NR6A1: variants seen among roughly 807,000 people sequenced by gnomAD.
The protein encoded by NR6A1 is nuclear receptor subfamily 6 group A member 1, also known as retinoic acid receptor-related testis-associated receptor.
A neutral mutation model predicts 59.1 loss-of-function variants in NR6A1; 7 were observed. The observed-to-expected ratio is 0.12, with a 90% CI of 0.07 to 0.22. NR6A1 has a LOEUF of 0.22. NR6A1 is among the 10% of genes least tolerant of loss of function. The pLI, the probability that NR6A1 is intolerant of heterozygous loss-of-function variation, is 1.00. For synonymous variants in NR6A1, 243 were observed against 236.1 expected (o/e 1.03, Z -0.27); for missense variants, 468 against 611.6 (o/e 0.77, Z 2.48).
At chr9:124,727,760 C>T (rs192181542) in intron 2 of NR6A1, among the ~76,000 whole-genome samples, 66 of 152,216 alleles carry the variant, frequency 4.3e-4, no homozygotes, top group African/African-American at 1.5e-3. Context: ...TCTTGGTTCA[C>T]TGCAACCTCT....
intron 1 of NR6A1, among the ~76,000 whole-genome samples, chr9:124,763,279 G>A (rs929691236): frequency 3.9e-5 from 6 of 152,210 alleles, no homozygotes; most frequent in Admixed American, 2.0e-4. Flanking sequence ...CAAGTGCATG[G>A]AAGTGAAGAA....
chr9:124,708,207 C>T (rs905209811), intron 2 of NR6A1, among the ~76,000 whole-genome samples: 4 of 152,126 alleles, frequency 2.6e-5, no homozygotes, highest in African/African-American at 7.2e-5. Flanking sequence ...CAAAGATCAT[C>T]AAATTTAACT....
At chr9:124,770,461 G>A (rs996912551) in intron 1 of NR6A1, among the ~76,000 whole-genome samples, 16 of 151,740 alleles carry the variant, frequency 1.1e-4, no homozygotes, top group African/African-American at 3.9e-4. Flanking sequence ...CTAGAAAGCT[G>A]AGCGGTACAA....
chr9:124,630,210 GTTTT>G (rs71372979), intron 2 of NR6A1, among the ~76,000 whole-genome samples: 9 of 95,354 alleles, frequency 9.4e-5, no homozygotes, highest in Non-Finnish European at 1.4e-4. Flanking sequence ...CTCCAAATCA[GTTTT>G]TTTTTTTTTT....
intron 3 of NR6A1, among the ~76,000 whole-genome samples, chr9:124,546,190 T>C (rs1247289728): frequency 2.0e-5 from 3 of 152,220 alleles, no homozygotes; most frequent in Non-Finnish European, 4.4e-5. Flanking sequence ...CTACTATGTG[T>C]TACATACTGT....
intron 2 of NR6A1, among the ~76,000 whole-genome samples, chr9:124,576,415 G>A (rs1834594793): frequency 6.6e-6 from 1 of 152,164 alleles, no homozygotes; most frequent in Non-Finnish European, 1.5e-5. Context: ...AGTCTCCCGA[G>A]TAGCTGGGAC....
chr9:124,721,333 A>C, intron 2 of NR6A1, among the ~76,000 whole-genome samples: 1 of 152,172 alleles, frequency 6.6e-6, no homozygotes, highest in Non-Finnish European at 1.5e-5. Context: ...GTTCACCCTA[A>C]GCTCTGGATC....
chr9:124,579,562 T>A (rs145598710), intron 2 of NR6A1, among the ~76,000 whole-genome samples: 15 of 150,770 alleles, frequency 9.9e-5, no homozygotes, highest in Non-Finnish European at 1.6e-4. Context: ...AAATAAAAAA[T>A]AATAAAACTA....
chr9:124,555,577 C>T (rs765582219), intron 2 of NR6A1, among the ~76,000 whole-genome samples: 6 of 152,198 alleles, frequency 3.9e-5, no homozygotes, highest in Admixed American at 6.5e-5. Flanking sequence ...GATTGCACCA[C>T]TGCATTCCAG....
intron 2 of NR6A1, among the ~76,000 whole-genome samples, chr9:124,591,214 A>T (rs544594416): frequency 6.6e-6 from 1 of 152,252 alleles, no homozygotes; most frequent in East Asian, 1.9e-4. Flanking sequence ...AATTTCCCTA[A>T]ATTTGCTCCT....
At chr9:124,614,770 T>C (rs896312172) in intron 2 of NR6A1, among the ~76,000 whole-genome samples, 24 of 152,334 alleles carry the variant, frequency 1.6e-4, no homozygotes, top group Admixed American at 1.1e-3. Flanking sequence ...GCTACCACAC[T>C]GAAATTTTCT....
At chr9:124,581,029 AAATGGTGCTGGAAG>A in intron 2 of NR6A1, among the ~76,000 whole-genome samples, 1 of 152,226 alleles carries the variant, frequency 6.6e-6, no homozygotes, top group South Asian at 2.1e-4. Context: ...CAAAAACAAG[AAATGGTGCTGGAAG>A]AACTGGCTAG....
chr9:124,737,685 G>A (rs1271344379), intron 1 of NR6A1, among the ~76,000 whole-genome samples: 1 of 152,120 alleles, frequency 6.6e-6, no homozygotes, highest in Middle Eastern at 3.2e-3. Context: ...GGCAAAAATG[G>A]TGAAACCCCA....
intron 1 of NR6A1, among the ~76,000 whole-genome samples, chr9:124,737,178 A>G (rs1190506299): frequency 6.6e-6 from 1 of 152,084 alleles, no homozygotes; most frequent in East Asian, 1.9e-4. Flanking sequence ...CTATATTCAC[A>G]CTAAAAAAAA....
At chr9:124,755,973 G>A (rs1254810152) in intron 1 of NR6A1, among the ~76,000 whole-genome samples, 1 of 152,110 alleles carries the variant, frequency 6.6e-6, no homozygotes, top group Non-Finnish European at 1.5e-5. Context: ...TTTGAAAAAT[G>A]CCACCCTCTC....
At chr9:124,756,043 T>C (rs751873365) in intron 1 of NR6A1, among the ~76,000 whole-genome samples, 1 of 152,204 alleles carries the variant, frequency 6.6e-6, no homozygotes, top group Non-Finnish European at 1.5e-5. Flanking sequence ...ACTTAATTAT[T>C]TTTGTAGCCC....
chr9:124,554,301 G>A, intron 3 of NR6A1, 27 bp downstream of exon 3: 1 of 1,613,838 alleles, frequency 6.2e-7, no homozygotes, highest in Non-Finnish European at 8.5e-7. Context: ...TGAAGGATGG[G>A]CCATCAGAGC....
intron 2 of NR6A1, among the ~76,000 whole-genome samples, chr9:124,687,291 A>ATTAATTAATTAATTAT (rs59770058): frequency 0.02 from 2,806 of 142,080 alleles, 100 homozygotes; most frequent in African/African-American, 0.073. Context: ...CAGCTAATTA[A>ATTAATTAATTAATTAT]TTATTTATTT....
At chr9:124,523,260 T>C (rs1008107603) in intron 9 of NR6A1, among the ~76,000 whole-genome samples, 51 of 152,132 alleles carry the variant, frequency 3.4e-4, no homozygotes, top group Middle Eastern at 3.2e-3. Context: ...ATAAAAGTAC[T>C]AGGGGAAAAA....
Sources: gnomAD v4.1 joint callset for allele counts (sites outside exome capture counted in the v4.1 genomes callset) on GRCh38, gnomAD v4.1.1 for gene constraint, MANE v1.5 for transcripts, NCBI Gene and HGNC (gene_info 2026-07-23, HGNC 2026-07-21) for gene names.